CDK6: variants seen among roughly 807,000 people sequenced by gnomAD.
The protein encoded by CDK6 is cyclin-dependent kinase 6.
A neutral mutation model predicts 37.1 loss-of-function variants in CDK6; 6 were observed. That is an observed-to-expected ratio of 0.16 (90% CI 0.09 to 0.32). The LOEUF is 0.32. CDK6 is among the 10% of genes least tolerant of loss of function. The pLI, the probability that CDK6 is intolerant of heterozygous loss-of-function variation, is 1.00. For missense variants in CDK6, 224 were observed against 418.9 expected (o/e 0.53, Z 4.06); for synonymous variants, 160 against 161.3 (o/e 0.99, Z 0.06).
chr7:92,618,523 T>C (rs555587114), intron 6 of CDK6, among the ~76,000 whole-genome samples: 18 of 152,186 alleles, frequency 1.2e-4, no homozygotes, highest in Non-Finnish European at 2.5e-4. Context: ...AGCTCTGACT[T>C]AGTGACAAAG....
intron 4 of CDK6, among the ~76,000 whole-genome samples, chr7:92,723,766 G>C (rs1425959556): frequency 6.6e-6 from 1 of 152,012 alleles, no homozygotes; most frequent in Non-Finnish European, 1.5e-5. Context: ...GTATAAACTA[G>C]ATACTGAAAA....
chr7:92,836,449 C>G (rs1369528985), intron 1 of CDK6, 29 bp downstream of exon 1: 2 of 151,618 alleles, frequency 1.3e-5, no homozygotes, highest in Admixed American at 1.3e-4. Context: ...CACCCCGCAG[C>G]CCACCCACCC....
At chr7:92,797,426 G>A (rs1800442320) in intron 2 of CDK6, among the ~76,000 whole-genome samples, 2 of 152,096 alleles carry the variant, frequency 1.3e-5, no homozygotes, top group East Asian at 1.9e-4. Flanking sequence ...TTGTGAGGTC[G>A]GGATGAGTCT....
chr7:92,670,215 A>C (rs1452873295), intron 5 of CDK6, among the ~76,000 whole-genome samples: 2 of 152,178 alleles, frequency 1.3e-5, no homozygotes, highest in Non-Finnish European at 2.9e-5. Flanking sequence ...AGCATAAAAG[A>C]AGAGGTTTGA....
At chr7:92,750,193 C>T (rs1432112826) in intron 3 of CDK6, among the ~76,000 whole-genome samples, 1 of 151,998 alleles carries the variant, frequency 6.6e-6, no homozygotes, top group African/African-American at 2.4e-5. Flanking sequence ...GAAAGTCCAC[C>T]GAACTAGAAT....
At chr7:92,750,896 A>T (rs1014672940) in intron 3 of CDK6, among the ~76,000 whole-genome samples, 8 of 152,236 alleles carry the variant, frequency 5.3e-5, no homozygotes, top group Non-Finnish European at 8.8e-5. Flanking sequence ...AGTTTTCAAC[A>T]GCTAATAAGC....
At chr7:92,764,819 TC>T (rs1301333261) in intron 3 of CDK6, among the ~76,000 whole-genome samples, 13 of 152,362 alleles carry the variant, frequency 8.5e-5, no homozygotes, top group Admixed American at 3.9e-4. Flanking sequence ...TTTAATTTTT[TC>T]CACCTTGCTT....
intron 5 of CDK6, among the ~76,000 whole-genome samples, chr7:92,641,478 T>C (rs1796303569): frequency 6.6e-6 from 1 of 152,240 alleles, no homozygotes; most frequent in Non-Finnish European, 1.5e-5. Flanking sequence ...TGTGCCTTTC[T>C]GGTATGTTCC....
At chr7:92,619,252 G>A (rs568353334) in intron 6 of CDK6, among the ~76,000 whole-genome samples, 12 of 152,204 alleles carry the variant, frequency 7.9e-5, no homozygotes, top group Admixed American at 3.3e-4. Flanking sequence ...TTGTATCTAT[G>A]TATAACTTAA....
intron 7 of CDK6, among the ~76,000 whole-genome samples, chr7:92,616,460 T>G (rs924979969): frequency 6.6e-6 from 1 of 152,214 alleles, no homozygotes; most frequent in Non-Finnish European, 1.5e-5. Context: ...CTAGCCTCCC[T>G]ATAGGATCTT....
chr7:92,655,933 A>G (rs1479801858), intron 5 of CDK6, among the ~76,000 whole-genome samples: 1 of 152,242 alleles, frequency 6.6e-6, no homozygotes, highest in Non-Finnish European at 1.5e-5. Context: ...AATCCTATCT[A>G]TGAGTACATT....
At chr7:92,806,723 C>A (rs1350081592) in intron 2 of CDK6, among the ~76,000 whole-genome samples, 1 of 152,162 alleles carries the variant, frequency 6.6e-6, no homozygotes, top group Admixed American at 6.5e-5. Flanking sequence ...AGACCGACTT[C>A]TCTTGTTAGC....
At chr7:92,759,172 T>A (rs920700648) in intron 3 of CDK6, among the ~76,000 whole-genome samples, 1 of 152,178 alleles carries the variant, frequency 6.6e-6, no homozygotes, top group Non-Finnish European at 1.5e-5. Flanking sequence ...TCCTTAGGTC[T>A]CTTATCAGAA....
chr7:92,807,000 C>T (rs570516264), intron 2 of CDK6, among the ~76,000 whole-genome samples: 1 of 152,268 alleles, frequency 6.6e-6, no homozygotes, highest in African/African-American at 2.4e-5. Context: ...ATAAGCCATA[C>T]TGAAGTTGTA....
chr7:92,729,528 G>A (rs913425076), intron 3 of CDK6, among the ~76,000 whole-genome samples: 1 of 152,216 alleles, frequency 6.6e-6, no homozygotes, highest in Non-Finnish European at 1.5e-5. Context: ...GTGGAATGAA[G>A]TCTGGCTCCG....
At chr7:92,711,482 CT>C (rs1055318729) in intron 4 of CDK6, among the ~76,000 whole-genome samples, 1 of 144,966 alleles carries the variant, frequency 6.9e-6, no homozygotes. Flanking sequence ...TTAATAGTGG[CT>C]TTTTTTCTGG....
At chr7:92,753,121 C>G (rs934337095) in intron 3 of CDK6, among the ~76,000 whole-genome samples, 1 of 152,038 alleles carries the variant, frequency 6.6e-6, no homozygotes. Flanking sequence ...TATGCTTCAC[C>G]TGTGAATACT....
chr7:92,717,762 G>C (rs1798266527), intron 4 of CDK6, among the ~76,000 whole-genome samples: 1 of 152,164 alleles, frequency 6.6e-6, no homozygotes, highest in African/African-American at 2.4e-5. Context: ...TTATAAACAA[G>C]GGAATCAGTC....
At chr7:92,827,859 G>A (rs1801366428) in intron 2 of CDK6, among the ~76,000 whole-genome samples, 1 of 152,122 alleles carries the variant, frequency 6.6e-6, no homozygotes, top group South Asian at 2.1e-4. Context: ...TCATGAGAAA[G>A]AACAATAGTG....
Sources: gnomAD v4.1 joint callset for allele counts (sites outside exome capture counted in the v4.1 genomes callset) on GRCh38, gnomAD v4.1.1 for gene constraint, MANE v1.5 for transcripts, NCBI Gene and HGNC (gene_info 2026-07-23, HGNC 2026-07-21) for gene names.